CXXC5: variants seen among roughly 807,000 people sequenced by gnomAD.
CXXC5 encodes CXXC-type zinc finger protein 5.
In CXXC5, 2 loss-of-function variants were observed where a neutral mutation model predicts 17.6. The observed-to-expected ratio is 0.11, with a 90% CI of 0.05 to 0.36. The LOEUF (loss-of-function observed/expected upper bound fraction) is 0.36, where lower values mean the gene tolerates loss of function less well. Among genes scored for constraint, CXXC5 ranks in the 10% least tolerant of loss-of-function variants. The pLI is 1.00. For synonymous variants in CXXC5, 171 were observed against 193.0 expected (o/e 0.89, Z 0.94); for missense variants, 343 against 458.3 (o/e 0.75, Z 2.30).
chr5:139,652,630 G>T (rs1177367047), intron 1 of CXXC5, among the ~76,000 whole-genome samples: 1 of 152,204 alleles, frequency 6.6e-6, no homozygotes, highest in Non-Finnish European at 1.5e-5. Context: ...CTGTCTCAGG[G>T]TGTGGGAGTC....
intron 1 of CXXC5, chr5:139,679,638 A>G (rs958687374): frequency 3.3e-5 from 5 of 152,190 alleles, no homozygotes; most frequent in African/African-American, 9.7e-5. Flanking sequence ...TGGAGAAGGA[A>G]GATTAGGATG....
chr5:139,659,143 G>A (rs1010723175), intron 1 of CXXC5, among the ~76,000 whole-genome samples: 9 of 152,196 alleles, frequency 5.9e-5, no homozygotes, highest in Non-Finnish European at 8.8e-5. Flanking sequence ...CATTCATTCA[G>A]TGTCTGTGCT....
intron 1 of CXXC5, among the ~76,000 whole-genome samples, chr5:139,655,859 T>C (rs1426617581): frequency 2.0e-5 from 3 of 152,182 alleles, no homozygotes; most frequent in Non-Finnish European, 4.4e-5. Context: ...TGCTGCGCTC[T>C]GCTTAGAGCA....
intron 1 of CXXC5, among the ~76,000 whole-genome samples, chr5:139,665,273 C>T (rs1756043618): frequency 6.6e-6 from 1 of 152,284 alleles, no homozygotes; most frequent in South Asian, 2.1e-4. Flanking sequence ...AACGCCGCAG[C>T]CGCGGCCTCC....
rs367593742 is a variant in CXXC5 at position 139,666,519 on chromosome 5, C to T, written c.-160-13845C>T. ...CGTGGGCTTTGGTGTGGTCTTTGTC[C>T]AGACAGGAGAAGGGTCAGGGCTGGG... On this transcript the variant is annotated intron_variant, in intron 1 of 2. Coordinates refer to ENST00000302517, the MANE Select transcript of CXXC5 (RefSeq NM_016463.9). 2.8e-4 allele frequency among the ~76,000 whole-genome samples: 43 copies of T among 152,318 alleles called. No individual in the cohort carries two copies. In the Middle Eastern group the frequency reaches 0.01, roughly 36 times the overall value.
intron 2 of CXXC5, among the ~76,000 whole-genome samples, chr5:139,682,112 A>G: frequency 6.6e-6 from 1 of 152,142 alleles, no homozygotes; most frequent in East Asian, 1.9e-4. Context: ...CCATGCTGCT[A>G]TCTCTGCACC....
chr5:139,656,418 A>G (rs1479539292), intron 1 of CXXC5, among the ~76,000 whole-genome samples: 5 of 152,192 alleles, frequency 3.3e-5, no homozygotes, highest in African/African-American at 1.2e-4. Flanking sequence ...AGGCACACAT[A>G]TGTACGTGTA....
chr5:139,677,594 C>T (rs601324), intron 1 of CXXC5, among the ~76,000 whole-genome samples: 1 of 152,018 alleles, frequency 6.6e-6, no homozygotes, highest in African/African-American at 2.4e-5. Context: ...CGTGTACCCA[C>T]CTCCCTTCAA....
intron 1 of CXXC5, among the ~76,000 whole-genome samples, chr5:139,671,866 G>A (rs1050252507): frequency 2.6e-5 from 4 of 152,216 alleles, no homozygotes; most frequent in African/African-American, 9.6e-5. Flanking sequence ...AGCCAGGGTT[G>A]GAGCACCAGG....
intron 1 of CXXC5, among the ~76,000 whole-genome samples, chr5:139,650,569 T>G (rs1322259673): frequency 6.6e-6 from 1 of 152,190 alleles, no homozygotes; most frequent in Admixed American, 6.5e-5. Flanking sequence ...CGCTGCGGAC[T>G]TGTTTGGAGC....
At chr5:139,647,556 C>T (rs1244377332), upstream of CXXC5, 2 of 152,250 alleles carry the variant, frequency 1.3e-5, no homozygotes, top group African/African-American at 4.8e-5. Flanking sequence ...TGGGCGCCTA[C>T]TCTGGCAAGG....
At chr5:139,682,377 T>G (rs1372106009) in intron 2 of CXXC5, among the ~76,000 whole-genome samples, 2 of 138,654 alleles carry the variant, frequency 1.4e-5, no homozygotes, top group Non-Finnish European at 3.1e-5. Flanking sequence ...TGCTCTCCTA[T>G]GTACACACAA....
In CXXC5 at chr5:139,670,981, C is replaced by T. The variant is rs1204341531; in HGVS notation, c.-160-9383C>T. On this transcript the variant is annotated intron_variant, in intron 1 of 2. Transcript: ENST00000302517. The surrounding 1 kb of genome is among the most constrained non-coding windows in gnomAD (Gnocchi z 4.2). Reference sequence around the variant, plus strand: ...CACACTCCAGCCCCCTGAGCCCGCTCCCAGGTGCCCAGCATCCTTGGGTAG... The same window carrying T: ...CACACTCCAGCCCCCTGAGCCCGCTTCCAGGTGCCCAGCATCCTTGGGTAG... Among the ~76,000 whole-genome samples, 2 of 152,190 alleles carry T rather than the reference C, an allele frequency of 1.3e-5. No individual in the cohort carries two copies. Among genetic ancestry groups the T allele is most frequent in the African/African-American group, 4.8e-5 (2 of 41,430 alleles).
rs111394771 is a variant in CXXC5 at position 139,660,638 on chromosome 5, G to A, written c.-161+11793G>A. Among the ~76,000 whole-genome samples the A allele has an allele frequency of 1.1e-4, 17 of 152,016 alleles. 2 individuals are homozygous for A. The highest frequency in any genetic ancestry group is 3.9e-4 in the African/African-American group (16 of 41,442). ...CTTGAGAGCCCAGAGAGGGGGATAC[G>A]CTGCCCCAAGGTCACACAGTGGGCT... On this transcript the variant is annotated intron_variant, in intron 1 of 2. Coordinates refer to ENST00000302517, the MANE Select transcript of CXXC5 (RefSeq NM_016463.9).
chr5:139,654,201 T>G (rs1245991558), intron 1 of CXXC5, among the ~76,000 whole-genome samples: 1 of 152,176 alleles, frequency 6.6e-6, no homozygotes, highest in Non-Finnish European at 1.5e-5. Context: ...TTTGACCTTT[T>G]CTGGGTGTCC....
rs1230807551 is a variant in CXXC5 at position 139,661,351 on chromosome 5, C to G, written c.-161+12506C>G. 6.6e-6 allele frequency among the ~76,000 whole-genome samples: 1 copy of G among 152,136 alleles called. No homozygotes were observed. The highest frequency in any genetic ancestry group is 2.4e-5 in the African/African-American group (1 of 41,432). ...CTCACGCACCCCACACGCGGCACAC[C>G]CAGGCACACACTTAGGACAGACACA... On this transcript the variant is annotated intron_variant, in intron 1 of 2. Transcript: ENST00000302517. The surrounding 1 kb of genome is among the most constrained non-coding windows in gnomAD (Gnocchi z 4.7).
intron 1 of CXXC5, among the ~76,000 whole-genome samples, chr5:139,650,611 C>T (rs1341017668): frequency 2.0e-5 from 3 of 152,196 alleles, no homozygotes; most frequent in African/African-American, 7.2e-5. Context: ...ACCTCAGCTG[C>T]CCCAGGCCGC....
rs1755841160 is a variant in CXXC5, at chr5:139,661,933, C to G, written c.-161+13088C>G. On this transcript the variant is annotated intron_variant, in intron 1 of 2. Transcript: ENST00000302517. The surrounding 1 kb of genome is among the most constrained non-coding windows in gnomAD (Gnocchi z 4.7). ...TGCCCTCTAGTACGGGGCCTCTGGC[C>G]CAGGCAGAGTGGGTTGGGTACATGG... Among the ~76,000 whole-genome samples, 1 of 152,210 alleles carries G rather than the reference C, an allele frequency of 6.6e-6. No homozygotes were observed. The highest frequency in any genetic ancestry group is 1.5e-5 in the Non-Finnish European group (1 of 68,054).
chr5:139,659,976 T>C (rs1755699302), intron 1 of CXXC5, among the ~76,000 whole-genome samples: 1 of 152,192 alleles, frequency 6.6e-6, no homozygotes, highest in Non-Finnish European at 1.5e-5. Flanking sequence ...GCTCGAGCTG[T>C]CAGAGACAGA....
Sources: allele counts gnomAD v4.1 joint callset (sites outside exome capture counted in the v4.1 genomes callset), GRCh38; gene constraint gnomAD v4.1.1; non-coding constraint Gnocchi (gnomAD v3.1); transcripts MANE v1.5; gene names NCBI Gene and HGNC (gene_info 2026-07-23, HGNC 2026-07-21).